Variants in DSCAM observed in about 807,000 individuals in gnomAD.
DSCAM encodes cell adhesion molecule DSCAM.
DSCAM carries 47 observed loss-of-function variants against 217.7 expected under a neutral mutation model. That is an observed-to-expected ratio of 0.22 (90% CI 0.17 to 0.28). The LOEUF (loss-of-function observed/expected upper bound fraction) is 0.28. Among genes scored for constraint, DSCAM ranks in the 10% least tolerant of loss-of-function variants. DSCAM has a pLI of 1.00. For synonymous variants in DSCAM, 1,056 were observed against 1,015.3 expected, an observed-to-expected ratio of 1.04 and a Z score of -0.76; for missense variants, 2,080 against 2,618.3, an observed-to-expected ratio of 0.79 and a Z score of 4.49.
chr21:40,087,986 T>C (rs1251395778), intron 21 of DSCAM, among the ~76,000 whole-genome samples: 1 of 152,156 alleles, frequency 6.6e-6, no homozygotes, highest in Non-Finnish European at 1.5e-5. Flanking sequence ...AATGAGAGGT[T>C]CTAGTGCTAC....
At chr21:40,655,389 C>T (rs935331057) in intron 3 of DSCAM, among the ~76,000 whole-genome samples, 1 of 151,888 alleles carries the variant, frequency 6.6e-6, no homozygotes, top group African/African-American at 2.4e-5. Context: ...CCTATAGCTG[C>T]ACCTTTACAT....
At chr21:40,051,828 G>A (rs975204942) in intron 30 of DSCAM, 130 bp downstream of exon 30, 17 of 1,184,372 alleles carry the variant, frequency 1.4e-5, no homozygotes, top group Non-Finnish European at 1.7e-5. Flanking sequence ...AATTAGGGAT[G>A]TTATTATACC....
intron 11 of DSCAM, among the ~76,000 whole-genome samples, chr21:40,209,442 C>G (rs987482823): frequency 6.6e-6 from 1 of 152,158 alleles, no homozygotes; most frequent in Non-Finnish European, 1.5e-5. Flanking sequence ...CCACTCTTAC[C>G]CTTGCTGATC....
At chr21:40,167,165 A>T in intron 16 of DSCAM, 53 bp downstream of exon 16, 2 of 1,540,388 alleles carry the variant, frequency 1.3e-6, no homozygotes, top group Non-Finnish European at 1.8e-6. Flanking sequence ...ACAGGAGTGA[A>T]GGGCTCGCCC....
intron 23 of DSCAM, among the ~76,000 whole-genome samples, chr21:40,084,487 T>C (rs1207587039): frequency 6.7e-6 from 1 of 149,494 alleles, no homozygotes; most frequent in Non-Finnish European, 1.5e-5. Flanking sequence ...TTCTAAGCTA[T>C]TGCTCCAAGA....
At chr21:40,193,501 A>G (rs7279287) in intron 11 of DSCAM, among the ~76,000 whole-genome samples, 8,910 of 152,264 alleles carry the variant, frequency 0.059, 612 homozygotes, top group African/African-American at 0.17. Flanking sequence ...GGGAATGTGA[A>G]TCAGAAACCA....
chr21:40,718,888 G>A (rs1440796966), intron 1 of DSCAM, among the ~76,000 whole-genome samples: 3 of 152,172 alleles, frequency 2.0e-5, no homozygotes, highest in Non-Finnish European at 2.9e-5. Context: ...CACTTTTGGA[G>A]GCCGAGGTGT....
At position 40,749,928 on chromosome 21, in the gene DSCAM, TTTC is replaced by T. The variant is rs201208812; in HGVS notation, c.44-41160_44-41158del. On this transcript the variant is annotated intron_variant, in intron 1 of 32. Coordinates refer to ENST00000400454, the MANE Select transcript of DSCAM (RefSeq NM_001389.5). ...CCCTCTAATCCTTCATTGGCTCCAC[TTTC>T]TTCTTCTTTTTTTTTTTCCTTTTTT... 3.3e-3 allele frequency among the ~76,000 whole-genome samples: 501 copies of T among 151,986 alleles called. 2 individuals are homozygous for T. Among genetic ancestry groups the T allele is most frequent in the African/African-American group, 0.011 (467 of 41,496 alleles).
chr21:40,680,014 T>C (rs1015159895), intron 3 of DSCAM, among the ~76,000 whole-genome samples: 1 of 151,986 alleles, frequency 6.6e-6, no homozygotes, highest in Admixed American at 6.6e-5. Flanking sequence ...ATGATAATAA[T>C]AATAAGAAGA....
chr21:40,167,530 T>C (rs1299691009), intron 15 of DSCAM, among the ~76,000 whole-genome samples: 1 of 152,208 alleles, frequency 6.6e-6, no homozygotes, highest in Non-Finnish European at 1.5e-5. Flanking sequence ...CTTCTCACCA[T>C]GTCTTTGACA....
At chr21:40,349,937 C>CA (rs1260692873) in intron 5 of DSCAM, among the ~76,000 whole-genome samples, 2 of 152,074 alleles carry the variant, frequency 1.3e-5, no homozygotes, top group Admixed American at 1.3e-4. Flanking sequence ...TTAGCAGAAG[C>CA]AAATGGAGGC....
intron 1 of DSCAM, among the ~76,000 whole-genome samples, chr21:40,726,503 T>A (rs991041146): frequency 1.3e-5 from 2 of 150,774 alleles, no homozygotes; most frequent in African/African-American, 4.9e-5. Context: ...TGTAAAAAGA[T>A]AACTTAAAAA....
At chr21:40,103,157 C>G (rs1024636735) in intron 20 of DSCAM, among the ~76,000 whole-genome samples, 1 of 152,088 alleles carries the variant, frequency 6.6e-6, no homozygotes, top group Non-Finnish European at 1.5e-5. Context: ...AACTATTCAG[C>G]CTGTCTGATA....
At chr21:40,175,025 G>T (rs533317207) in intron 15 of DSCAM, among the ~76,000 whole-genome samples, 3 of 152,192 alleles carry the variant, frequency 2.0e-5, no homozygotes, top group African/African-American at 4.8e-5. Context: ...CTACTTTTCT[G>T]CATGAAGTCC....
intron 15 of DSCAM, among the ~76,000 whole-genome samples, chr21:40,170,502 G>C (rs868340643): frequency 2.0e-5 from 3 of 152,200 alleles, no homozygotes; most frequent in Admixed American, 6.5e-5. Context: ...GGCTCTGCTA[G>C]AACTGAAGTT....
rs2089411318 is a variant in DSCAM at position 40,078,908 on chromosome 21, A to G, written c.4490T>C (p.Ile1497Thr). ...GGGGCAGCCGCCATCATTCCAGCCAATGAGGTTCAGCCTCACGCGTGTGGT... is the reference window on the plus strand; with the variant it reads ...GGGGCAGCCGCCATCATTCCAGCCAGTGAGGTTCAGCCTCACGCGTGTGGT... The part of the protein sequence containing the change: ...INTTRVRLNL[I>T]GWNDGGCPIT... The change falls in exon 26 of 33, where the codon ATT (isoleucine) becomes ACT (threonine). Residue 1497 changes from isoleucine (I) to threonine (T), a missense_variant. Coordinates refer to ENST00000400454, the MANE Select transcript of DSCAM (RefSeq NM_001389.5). The G allele has an allele frequency of 2.5e-6, 4 of 1,614,208 alleles. No homozygotes were observed. The highest frequency in any genetic ancestry group is 1.1e-5 in the South Asian group (1 of 91,080).
At chr21:40,686,741 G>A (rs1480724319) in intron 3 of DSCAM, among the ~76,000 whole-genome samples, 1 of 152,114 alleles carries the variant, frequency 6.6e-6, no homozygotes, top group South Asian at 2.1e-4. Flanking sequence ...CTTGCTGGCA[G>A]CTGTTTGGAG....
At chr21:40,546,849 C>T (rs1336637346) in intron 3 of DSCAM, among the ~76,000 whole-genome samples, 1 of 152,096 alleles carries the variant, frequency 6.6e-6, no homozygotes, top group Non-Finnish European at 1.5e-5. Flanking sequence ...AGGGAAGTCA[C>T]GTCTTACACT....
intron 1 of DSCAM, among the ~76,000 whole-genome samples, chr21:40,770,176 T>C (rs1251512236): frequency 6.6e-6 from 1 of 152,228 alleles, no homozygotes; most frequent in Non-Finnish European, 1.5e-5. Flanking sequence ...GCTGTATAAC[T>C]GGTCTTCATT....
Sources: allele counts gnomAD v4.1 joint callset (sites outside exome capture counted in the v4.1 genomes callset), GRCh38; gene constraint gnomAD v4.1.1; transcripts MANE v1.5; gene names NCBI Gene and HGNC (gene_info 2026-07-23, HGNC 2026-07-21).